Variants in VPS13B observed in about 807,000 individuals in gnomAD.
VPS13B encodes intermembrane lipid transfer protein VPS13B.
VPS13B carries 285 observed loss-of-function variants against 426.4 expected under a neutral mutation model. The ratio of observed to expected loss-of-function variants is 0.67; its 90% CI spans 0.61 to 0.74. The LOEUF (loss-of-function observed/expected upper bound fraction) is 0.74. Among genes scored for constraint, VPS13B ranks in the 30% least tolerant of loss-of-function variants. The pLI, the probability that VPS13B is intolerant of heterozygous loss-of-function variation, is 0.00. For missense variants in VPS13B, 4,537 were observed against 4,782.6 expected, an observed-to-expected ratio of 0.95 and a Z score of 1.51; for synonymous variants, 1,676 against 1,676.4, an observed-to-expected ratio of 1.00 and a Z score of 0.01.
intron 29 of VPS13B, among the ~76,000 whole-genome samples, chr8:99,517,587 C>T (rs935175915): frequency 1.3e-5 from 2 of 152,092 alleles, no homozygotes; most frequent in African/African-American, 4.8e-5. Context: ...ATATTATTTA[C>T]ATTATGTGCA....
chr8:99,166,004 T>C (rs926113002), intron 15 of VPS13B, among the ~76,000 whole-genome samples: 1 of 152,220 alleles, frequency 6.6e-6, no homozygotes, highest in African/African-American at 2.4e-5. Context: ...TTTTGAGATC[T>C]AGTTTTGCAC....
rs1833506664 is a variant in VPS13B at position 99,729,633 on chromosome 8, AT to A, written c.7050+8587del. Among the ~76,000 whole-genome samples the A allele has an allele frequency of 2.0e-5, 3 of 152,228 alleles. No homozygotes were observed. The South Asian group carries it at 6.2e-4, about 32-fold the overall frequency. ...CTAATGAAGTATGAGAGCTTTACAT[AT>A]AAAGTAATTTTCTTTTTTTGAAATT... On this transcript the variant is annotated intron_variant, in intron 39 of 61. Transcript: ENST00000357162.
chr8:99,263,296 T>TTC (rs1054494490), intron 17 of VPS13B, among the ~76,000 whole-genome samples: 2 of 152,212 alleles, frequency 1.3e-5, no homozygotes, highest in Non-Finnish European at 2.9e-5. Context: ...AGCTAAATCA[T>TTC]TCTCTGTGTT....
intron 31 of VPS13B, among the ~76,000 whole-genome samples, chr8:99,561,263 A>G (rs1824906540): frequency 6.6e-6 from 1 of 152,186 alleles, no homozygotes; most frequent in South Asian, 2.1e-4. Context: ...TCATGTCTGT[A>G]TGAATTTATG....
intron 15 of VPS13B, among the ~76,000 whole-genome samples, chr8:99,169,392 G>C (rs1209574978): frequency 6.6e-6 from 1 of 151,888 alleles, no homozygotes; most frequent in East Asian, 1.9e-4. Flanking sequence ...GAATTTCAGG[G>C]ATTGCTTATA....
chr8:99,738,790 T>G (rs1190282362), intron 39 of VPS13B, among the ~76,000 whole-genome samples: 1 of 152,226 alleles, frequency 6.6e-6, no homozygotes, highest in Non-Finnish European at 1.5e-5. Flanking sequence ...TTACTAATGT[T>G]TAGTGCTAGT....
intron 21 of VPS13B, among the ~76,000 whole-genome samples, chr8:99,409,884 C>T (rs2133354898): frequency 6.6e-6 from 1 of 152,048 alleles, no homozygotes; most frequent in East Asian, 1.9e-4. Context: ...ATTATGTATC[C>T]TTTGTGTTAA....
At chr8:99,484,109 A>G (rs1820180714) in intron 25 of VPS13B, among the ~76,000 whole-genome samples, 1 of 152,192 alleles carries the variant, frequency 6.6e-6, no homozygotes, top group Non-Finnish European at 1.5e-5. Flanking sequence ...TTGTTTTACT[A>G]GATGTATAAT....
chr8:99,029,387 G>A (rs1045494616), intron 2 of VPS13B, among the ~76,000 whole-genome samples: 3 of 152,088 alleles, frequency 2.0e-5, no homozygotes, highest in African/African-American at 4.8e-5. Context: ...CGGCCGGGCA[G>A]AGGCTGCAAT....
At chr8:99,819,015 A>G (rs1215726683) in intron 47 of VPS13B, 127 bp downstream of exon 47, 7 of 914,062 alleles carry the variant, frequency 7.7e-6, no homozygotes, top group Non-Finnish European at 1.2e-5. Flanking sequence ...AGTTTTTTGT[A>G]TGATTTCTTA....
At chr8:99,053,458 C>G (rs9642957) in intron 3 of VPS13B, among the ~76,000 whole-genome samples, 111,606 of 151,778 alleles carry the variant, frequency 0.74, 41,770 homozygotes, top group South Asian at 0.87. Context: ...CAGGCCCCTA[C>G]AAAGGACATG....
chr8:99,226,331 C>A (rs968529405), intron 17 of VPS13B, among the ~76,000 whole-genome samples: 8 of 152,132 alleles, frequency 5.3e-5, no homozygotes, highest in African/African-American at 1.9e-4. Flanking sequence ...AGCTTCAAAT[C>A]CTTCAGACTG....
chr8:99,588,100 T>G (rs1323865209), intron 33 of VPS13B, among the ~76,000 whole-genome samples: 1 of 151,814 alleles, frequency 6.6e-6, no homozygotes, highest in Non-Finnish European at 1.5e-5. Context: ...ATTTCTTGTT[T>G]TTGTCAGGTT....
chr8:99,354,321 G>C (rs1490383127), intron 19 of VPS13B, among the ~76,000 whole-genome samples: 1 of 53,664 alleles, frequency 1.9e-5, no homozygotes, highest in Admixed American at 2.7e-4. Context: ...TTCAGAGTCT[G>C]TGCTTTCTAA....
At chr8:99,207,080 G>A (rs1464454165) in intron 17 of VPS13B, among the ~76,000 whole-genome samples, 1 of 152,104 alleles carries the variant, frequency 6.6e-6, no homozygotes, top group Non-Finnish European at 1.5e-5. Flanking sequence ...GTCCCTATAT[G>A]CACTTTTAAT....
At chr8:99,875,088 G>T in intron 61 of VPS13B, 1 of 341,942 alleles carries the variant, frequency 2.9e-6, no homozygotes, top group Non-Finnish European at 5.5e-6. Context: ...TTTTTCTTGG[G>T]CTGGCTGCTA....
chr8:99,543,721 A>G (rs1227640079), intron 30 of VPS13B, among the ~76,000 whole-genome samples: 1 of 150,714 alleles, frequency 6.6e-6, no homozygotes, highest in Admixed American at 6.6e-5. Flanking sequence ...AATGCTCACC[A>G]TCACTGGCCA....
At chr8:99,505,910 A>T (rs918165473) in intron 27 of VPS13B, among the ~76,000 whole-genome samples, 4 of 152,228 alleles carry the variant, frequency 2.6e-5, no homozygotes, top group Non-Finnish European at 5.9e-5. Context: ...GTAATTGTTC[A>T]TGTATGGAGT....
At chr8:99,592,637 G>A (rs1352660510) in intron 33 of VPS13B, among the ~76,000 whole-genome samples, 1 of 152,120 alleles carries the variant, frequency 6.6e-6, no homozygotes, top group African/African-American at 2.4e-5. Flanking sequence ...CAAAGCTGGA[G>A]GCATCACACT....
Sources: allele counts gnomAD v4.1 joint callset (sites outside exome capture counted in the v4.1 genomes callset), GRCh38; gene constraint gnomAD v4.1.1; transcripts MANE v1.5; gene names NCBI Gene and HGNC (gene_info 2026-07-23, HGNC 2026-07-21).